The following PAFAH1B1 variants were observed in gnomAD, a reference collection of about 807,000 sequenced individuals.
The protein encoded by PAFAH1B1 is platelet activating factor acetylhydrolase 1b regulatory subunit 1, also known as platelet-activating factor acetylhydrolase IB subunit beta.
PAFAH1B1 carries 2 observed loss-of-function variants against 57.5 expected under a neutral mutation model. The observed-to-expected ratio is 0.03, with a 90% CI of 0.01 to 0.11. The LOEUF is 0.11. Among genes scored for constraint, PAFAH1B1 ranks in the 10% least tolerant of loss-of-function variants. The probability of loss-of-function intolerance (pLI) is 1.00; values close to 1 mark genes in which losing one functional copy is unlikely to be tolerated. For synonymous variants in PAFAH1B1, 152 were observed against 169.6 expected (o/e 0.90, Z 0.81); for missense variants, 257 against 512.0 (o/e 0.50, Z 4.81).
At chr17:2,600,568 CAAAAA>C (rs559407199) in intron 1 of PAFAH1B1, among the ~76,000 whole-genome samples, 1 of 77,664 alleles carries the variant, frequency 1.3e-5, no homozygotes, top group Admixed American at 1.6e-4. Context: ...GAAACTATCT[CAAAAA>C]AAAAAAAAAA....
chr17:2,603,581 A>G (rs2068170050), intron 1 of PAFAH1B1, among the ~76,000 whole-genome samples: 2 of 152,030 alleles, frequency 1.3e-5, no homozygotes, highest in Non-Finnish European at 2.9e-5. Context: ...AGATTGCACC[A>G]CTGTACTCCA....
chr17:2,666,600 G>T (rs1403319482), intron 4 of PAFAH1B1, among the ~76,000 whole-genome samples: 2 of 152,014 alleles, frequency 1.3e-5, no homozygotes. Context: ...ATAAATATTA[G>T]CTTTTATTAA....
intron 1 of PAFAH1B1, among the ~76,000 whole-genome samples, chr17:2,604,567 T>C (rs569685346): frequency 1.3e-5 from 2 of 152,204 alleles, no homozygotes; most frequent in African/African-American, 2.4e-5. Context: ...TCCCAGCACT[T>C]CGAGAGGCTG....
intron 1 of PAFAH1B1, among the ~76,000 whole-genome samples, chr17:2,612,294 C>T (rs1027237678): frequency 6.6e-6 from 1 of 151,240 alleles, no homozygotes; most frequent in Non-Finnish European, 1.5e-5. Flanking sequence ...ACCTCCGCCT[C>T]GTGGGTTCGA....
At chr17:2,614,747 A>G (rs1281241191) in intron 1 of PAFAH1B1, among the ~76,000 whole-genome samples, 7 of 151,916 alleles carry the variant, frequency 4.6e-5, no homozygotes, top group Admixed American at 2.0e-4. Context: ...GCTAGATTTT[A>G]TAATTTTTTC....
chr17:2,623,721 G>A (rs2068453107), intron 1 of PAFAH1B1, among the ~76,000 whole-genome samples: 1 of 145,596 alleles, frequency 6.9e-6, no homozygotes, highest in Non-Finnish European at 1.5e-5. Context: ...TCCACCTCCT[G>A]GGTTGAAGTG....
intron 7 of PAFAH1B1, 65 bp downstream of exon 7, chr17:2,672,822 C>G (rs558202003): frequency 1.9e-6 from 2 of 1,049,846 alleles, no homozygotes; most frequent in African/African-American, 3.2e-5. Flanking sequence ...GTCATCCCAG[C>G]GCTTTGGGAG....
rs1012132255 is a variant in PAFAH1B1 at position 2,615,693 on chromosome 17, C to T, written c.-191+21687C>T. On this transcript the variant is annotated intron_variant, in intron 1 of 10. Coordinates refer to ENST00000397195, the MANE Select transcript of PAFAH1B1 (RefSeq NM_000430.4). ...TGACCTCATGATCCCCCTGCCTTGG[C>T]CTCCCAAAATGCTGGGATTACAGGC... Among the ~76,000 whole-genome samples, 12 of 152,338 alleles carry T rather than the reference C, an allele frequency of 7.9e-5. No individual in the cohort carries two copies. In the East Asian group the frequency reaches 2.3e-3, roughly 29 times the overall value.
chr17:2,677,061 G>T (rs1356564265), intron 9 of PAFAH1B1, among the ~76,000 whole-genome samples: 4 of 152,176 alleles, frequency 2.6e-5, no homozygotes, highest in Admixed American at 2.0e-4. Flanking sequence ...GCTGAGGCAG[G>T]AGAATGGCGT....
At position 2,597,956 on chromosome 17, in the gene PAFAH1B1, AAG is replaced by A. The variant is rs1275946598; in HGVS notation, c.-191+3952_-191+3953del. Among the ~76,000 whole-genome samples, 16 of 152,200 alleles carry A rather than the reference AAG, an allele frequency of 1.1e-4. 1 individual carries two copies. On this transcript the variant is annotated intron_variant, in intron 1 of 10. Transcript: ENST00000397195. Reference sequence around the variant, plus strand: ...TATAGAAATTGTCAACATTAAGATGAAGATGTCTGGCCAGACATGGTGGCTCA... The same window carrying A: ...TATAGAAATTGTCAACATTAAGATGAATGTCTGGCCAGACATGGTGGCTCA...
intron 1 of PAFAH1B1, among the ~76,000 whole-genome samples, chr17:2,631,518 G>T: frequency 6.6e-6 from 1 of 152,286 alleles, no homozygotes; most frequent in Admixed American, 6.5e-5. Context: ...TGGGGATCCA[G>T]TGAGCTCCCG....
chr17:2,628,187 C>T (rs2068514974), intron 1 of PAFAH1B1, among the ~76,000 whole-genome samples: 1 of 152,062 alleles, frequency 6.6e-6, no homozygotes, highest in African/African-American at 2.4e-5. Context: ...CAACTTTTCC[C>T]CTTTCATTAT....
intron 2 of PAFAH1B1, among the ~76,000 whole-genome samples, chr17:2,650,871 C>G (rs372407577): frequency 6.6e-6 from 1 of 151,964 alleles, no homozygotes; most frequent in Non-Finnish European, 1.5e-5. Flanking sequence ...TTTTTCTTGT[C>G]GATTCCTAAG....
At chr17:2,598,179 G>A (rs2068104855) in intron 1 of PAFAH1B1, among the ~76,000 whole-genome samples, 1 of 152,034 alleles carries the variant, frequency 6.6e-6, no homozygotes, top group Non-Finnish European at 1.5e-5. Flanking sequence ...AACCCGGGAG[G>A]TGGAGGTTGC....
chr17:2,630,256 G>C (rs570677836), intron 1 of PAFAH1B1, among the ~76,000 whole-genome samples: 61 of 152,280 alleles, frequency 4.0e-4, no homozygotes, highest in African/African-American at 1.4e-3. Flanking sequence ...TCAAGGATTT[G>C]TTTCAAGATT....
In PAFAH1B1 at chr17:2,673,068, C is replaced by CA. The variant is rs200096941; in HGVS notation, c.671+320dup. Among the ~76,000 whole-genome samples, 2,283 of 144,578 alleles carry CA rather than the reference C, an allele frequency of 0.016. 63 individuals carry two copies. Among genetic ancestry groups the CA allele is most frequent in the African/African-American group, 0.054 (2,119 of 39,280 alleles). 94.8% of individuals were successfully genotyped at this position (144,578 alleles called of 152,430 possible). A position where few individuals can be genotyped will look rare whatever the true frequency, so the allele number is the denominator to read the frequency against. ...GGGCAACAAGAGTGAGACTCCGTCT[C>CA]AAAAAAAAAGAAAAGGCATCAGCTT... is the stretch of plus-strand genomic sequence containing the variant. On this transcript the variant is annotated intron_variant, in intron 7 of 10. Coordinates refer to ENST00000397195, the MANE Select transcript of PAFAH1B1 (RefSeq NM_000430.4).
chr17:2,626,659 A>G (rs1802200886), intron 1 of PAFAH1B1, among the ~76,000 whole-genome samples: 3 of 145,718 alleles, frequency 2.1e-5, no homozygotes, highest in South Asian at 4.3e-4. Flanking sequence ...GGTTCAAGCA[A>G]TTCAACTGCC....
chr17:2,634,812 G>A (rs1164701322), intron 1 of PAFAH1B1, among the ~76,000 whole-genome samples: 2 of 152,054 alleles, frequency 1.3e-5, no homozygotes, highest in Non-Finnish European at 2.9e-5. Flanking sequence ...CATTATTCAC[G>A]CTGTTTTAAT....
intron 1 of PAFAH1B1, among the ~76,000 whole-genome samples, chr17:2,626,615 C>T (rs1045757984): frequency 1.6e-5 from 2 of 126,532 alleles, no homozygotes; most frequent in Non-Finnish European, 3.2e-5. Context: ...AGTGCAGTGG[C>T]GCGATCTTGG....
Sources: allele counts gnomAD v4.1 joint callset (sites outside exome capture counted in the v4.1 genomes callset), GRCh38; gene constraint gnomAD v4.1.1; transcripts MANE v1.5; gene names NCBI Gene and HGNC (gene_info 2026-07-23, HGNC 2026-07-21).